NUBPL: variants seen among roughly 807,000 people sequenced by gnomAD.
NUBPL encodes the protein iron-sulfur cluster transfer protein NUBPL.
NUBPL carries 31 observed loss-of-function variants against 45.7 expected under a neutral mutation model. That is an observed-to-expected ratio of 0.68 (90% CI 0.51 to 0.92). The LOEUF (loss-of-function observed/expected upper bound fraction) is 0.92. Ranked by LOEUF, NUBPL falls within the 40% of genes least tolerant of loss-of-function variation. NUBPL has a pLI of 0.00. For missense variants in NUBPL, 401 were observed against 398.7 expected (o/e 1.01, Z -0.05); for synonymous variants, 144 against 140.9 (o/e 1.02, Z -0.15).
intron 6 of NUBPL, among the ~76,000 whole-genome samples, chr14:31,678,121 T>A (rs752318425): frequency 1.3e-5 from 2 of 152,200 alleles, no homozygotes; most frequent in African/African-American, 2.4e-5. Context: ...AGGCTTCCAC[T>A]GATGTTCACT....
intron 4 of NUBPL, among the ~76,000 whole-genome samples, chr14:31,624,309 A>C (rs1327838936): frequency 6.6e-6 from 1 of 152,240 alleles, no homozygotes; most frequent in African/African-American, 2.4e-5. Context: ...AAAGGAATAC[A>C]TTTAAGAAAT....
chr14:31,820,112 C>A (rs1362862075), intron 7 of NUBPL, among the ~76,000 whole-genome samples: 1 of 142,992 alleles, frequency 7.0e-6, no homozygotes, highest in African/African-American at 2.9e-5. Flanking sequence ...TGCACTCCAG[C>A]CTGGGCAACA....
chr14:31,664,926 C>T (rs1453188276), intron 4 of NUBPL, among the ~76,000 whole-genome samples: 6 of 151,852 alleles, frequency 4.0e-5, no homozygotes, highest in Non-Finnish European at 2.9e-5. Context: ...TGTTATTGGT[C>T]TATTCAGGTA....
chr14:31,752,418 C>T (rs2038551860), intron 6 of NUBPL, among the ~76,000 whole-genome samples: 1 of 152,310 alleles, frequency 6.6e-6, no homozygotes, highest in African/African-American at 2.4e-5. Flanking sequence ...TCATCTCTCT[C>T]AAGTTTAGAG....
rs1437322638 is a variant in NUBPL, at chr14:31,745,284, G to A, written c.514-42496G>A. Among the ~76,000 whole-genome samples, 3 of 151,954 alleles carry A rather than the reference G, an allele frequency of 2.0e-5. No homozygotes were observed. The East Asian group carries it at 5.8e-4, about 29-fold the overall frequency. On this transcript the variant is annotated intron_variant, in intron 6 of 10. Transcript: ENST00000281081. ...TTCTCATTGTTCAATTCCCACCTATGATTGAGAACATGTGATGTTTGGTTT... is the reference window on the plus strand; with the variant it reads ...TTCTCATTGTTCAATTCCCACCTATAATTGAGAACATGTGATGTTTGGTTT...
intron 6 of NUBPL, among the ~76,000 whole-genome samples, chr14:31,679,780 A>G (rs943593558): frequency 6.6e-6 from 1 of 152,164 alleles, no homozygotes; most frequent in East Asian, 1.9e-4. Flanking sequence ...TTGTGCAGAA[A>G]AGCATGTTGA....
chr14:31,803,049 C>T (rs1385385829), intron 7 of NUBPL, among the ~76,000 whole-genome samples: 3 of 152,182 alleles, frequency 2.0e-5, no homozygotes, highest in African/African-American at 7.2e-5. Flanking sequence ...CAGCAGTTTA[C>T]TTAATCAGTT....
intron 8 of NUBPL, among the ~76,000 whole-genome samples, chr14:31,836,669 T>G (rs1225788088): frequency 2.0e-5 from 3 of 152,204 alleles, no homozygotes; most frequent in Non-Finnish European, 2.9e-5. Context: ...TAAGTGAACT[T>G]GAGCAGTGGT....
At chr14:31,795,203 T>C (rs2039460243) in intron 7 of NUBPL, among the ~76,000 whole-genome samples, 1 of 151,354 alleles carries the variant, frequency 6.6e-6, no homozygotes, top group Non-Finnish European at 1.5e-5. Context: ...TAGGATTGAC[T>C]TGGCAATGCA....
At chr14:31,800,201 T>C (rs1397866276) in intron 7 of NUBPL, among the ~76,000 whole-genome samples, 3 of 152,196 alleles carry the variant, frequency 2.0e-5, no homozygotes, top group Admixed American at 2.0e-4. Flanking sequence ...TGCAGTTATT[T>C]CCTCCACTGA....
chr14:31,800,508 C>G (rs1424299958), intron 7 of NUBPL, among the ~76,000 whole-genome samples: 1 of 152,114 alleles, frequency 6.6e-6, no homozygotes, highest in Admixed American at 6.5e-5. Flanking sequence ...TGACACACAA[C>G]CACAAAATGT....
At chr14:31,757,534 G>T (rs1160176639) in intron 6 of NUBPL, among the ~76,000 whole-genome samples, 2 of 152,098 alleles carry the variant, frequency 1.3e-5, no homozygotes, top group Admixed American at 1.3e-4. Context: ...ATTTCTGTGG[G>T]ATCGGTCTCT....
At chr14:31,735,323 C>T (rs557303072) in intron 6 of NUBPL, among the ~76,000 whole-genome samples, 2 of 152,260 alleles carry the variant, frequency 1.3e-5, no homozygotes, top group South Asian at 4.1e-4. Context: ...TTAGCTGCTT[C>T]AAACAGTAGA....
intron 8 of NUBPL, among the ~76,000 whole-genome samples, chr14:31,840,735 T>C (rs2040357882): frequency 2.0e-5 from 3 of 151,802 alleles, no homozygotes; most frequent in Non-Finnish European, 1.5e-5. Flanking sequence ...AGGTAGAGAG[T>C]AGAATGGTGG....
intron 7 of NUBPL, among the ~76,000 whole-genome samples, chr14:31,824,196 T>G (rs1160336435): frequency 6.6e-6 from 1 of 152,144 alleles, no homozygotes; most frequent in Non-Finnish European, 1.5e-5. Flanking sequence ...GTGACCTAAG[T>G]ATTTTCATGC....
chr14:31,813,615 C>T (rs2039858842), intron 7 of NUBPL, among the ~76,000 whole-genome samples: 2 of 151,526 alleles, frequency 1.3e-5, no homozygotes, highest in African/African-American at 2.4e-5. Context: ...TATACATGTA[C>T]CATGGTGGTT....
intron 3 of NUBPL, among the ~76,000 whole-genome samples, chr14:31,592,067 T>C (rs2034156570): frequency 6.6e-6 from 1 of 152,138 alleles, no homozygotes; most frequent in Admixed American, 6.6e-5. Context: ...GTTTAAAATA[T>C]GATAGTTTCC....
intron 6 of NUBPL, among the ~76,000 whole-genome samples, chr14:31,723,251 TTGGTGTG>T (rs2037851080): frequency 6.6e-6 from 1 of 152,186 alleles, no homozygotes; most frequent in South Asian, 2.1e-4. Context: ...CAGATGGTTG[TTGGTGTG>T]TGGCCTTATT....
intron 6 of NUBPL, among the ~76,000 whole-genome samples, chr14:31,764,356 T>G (rs1468170027): frequency 6.6e-6 from 1 of 152,204 alleles, no homozygotes; most frequent in East Asian, 1.9e-4. Context: ...GTTTCTTTAT[T>G]GTATTCCTAT....
Sources: gnomAD v4.1 joint callset for allele counts (sites outside exome capture counted in the v4.1 genomes callset) on GRCh38, gnomAD v4.1.1 for gene constraint, MANE v1.5 for transcripts, NCBI Gene and HGNC (gene_info 2026-07-23, HGNC 2026-07-21) for gene names.